FMN2: variants seen among roughly 807,000 people sequenced by gnomAD.
FMN2 encodes the protein formin-2.
A neutral mutation model predicts 142.3 loss-of-function variants in FMN2; 51 were observed. That is an observed-to-expected ratio of 0.36 (90% CI 0.29 to 0.45). FMN2 has a LOEUF of 0.45. FMN2 is among the 20% of genes least tolerant of loss of function. The pLI is 1.00. For synonymous variants in FMN2, 882 were observed against 869.8 expected (o/e 1.01, Z -0.25); for missense variants, 1,936 against 2,122.8 (o/e 0.91, Z 1.73).
chr1:240,458,073 G>C (rs1178229443), intron 16 of FMN2: 1 of 152,188 alleles, frequency 6.6e-6, no homozygotes, highest in Non-Finnish European at 1.5e-5. Context: ...TAGGTAACAC[G>C]CTCTTGAGGC....
intron 15 of FMN2, among the ~76,000 whole-genome samples, chr1:240,394,605 C>G (rs1673710074): frequency 2.0e-5 from 3 of 152,202 alleles, no homozygotes; most frequent in Admixed American, 1.3e-4. Flanking sequence ...GATGAAACAT[C>G]TTCTGTTGGA....
intron 15 of FMN2, among the ~76,000 whole-genome samples, chr1:240,417,872 T>C (rs1340311511): frequency 6.6e-6 from 1 of 152,212 alleles, no homozygotes; most frequent in Non-Finnish European, 1.5e-5. Context: ...TGTTTCATCT[T>C]TCAATTCCAT....
At chr1:240,315,184 T>C (rs4603121) in intron 8 of FMN2, among the ~76,000 whole-genome samples, 89,754 of 152,018 alleles carry the variant, frequency 0.59, 28,575 homozygotes, top group African/African-American at 0.84. Flanking sequence ...AGTTTATATA[T>C]AAGACTTTCA....
chr1:240,123,715 G>A (rs1326742965), intron 2 of FMN2, among the ~76,000 whole-genome samples: 2 of 152,100 alleles, frequency 1.3e-5, no homozygotes, highest in Non-Finnish European at 2.9e-5. Flanking sequence ...GTACCGTTTA[G>A]TGGCATCAAA....
intron 8 of FMN2, among the ~76,000 whole-genome samples, chr1:240,320,466 A>G (rs1223642029): frequency 6.6e-6 from 1 of 152,220 alleles, no homozygotes; most frequent in Non-Finnish European, 1.5e-5. Context: ...AATGAGGAAA[A>G]TTGTAGCTTC....
At position 240,207,832 on chromosome 1, in the gene FMN2, G is replaced by A; in HGVS notation, c.3020G>A (p.Gly1007Asp). The A allele has an allele frequency of 6.7e-6, 3 of 450,766 alleles. No homozygotes were observed. The highest frequency in any genetic ancestry group is 1.5e-4 in the African/African-American group (2 of 13,790). 27.9% of individuals were successfully genotyped at this position (450,766 alleles called of 1,614,324 possible). The change falls in exon 5 of 18, where the codon GGC becomes GAC. Residue 1007 changes from glycine to aspartate, a missense_variant. This residue lies in a region of FMN2 where 63 missense variants were observed against 86.3 expected (regional missense o/e 0.73). Coordinates refer to ENST00000319653, the MANE Select transcript of FMN2 (RefSeq NM_020066.5). ...CCTCCGCCCCCACTTCCCGGAGCGG[G>A]CATACCCCCTCCTCCCCCTCTTCCC... ...IPPPPPLPGA[G>D]IPPPPPLPGA... is the part of the protein sequence containing the mutation.
intron 16 of FMN2, among the ~76,000 whole-genome samples, chr1:240,444,100 A>G (rs1558110376): frequency 6.6e-6 from 1 of 152,210 alleles, no homozygotes; most frequent in Non-Finnish European, 1.5e-5. Context: ...TCTCTGTTGT[A>G]AGTTGCGCTC....
chr1:240,438,217 A>G lies in FMN2; in HGVS notation c.5060+7A>G, dbSNP rs1203290502. On this transcript the variant is annotated splice_region_variant and intron_variant, in intron 16 of 17. Transcript: ENST00000319653. ...AACTTCTTCTACAAGAGAGGTAGGT[A>G]TTTTCATTTGCACAATGGCATTTTA... 3.1e-6 allele frequency: 5 copies of G among 1,610,070 alleles called. No individual in the cohort carries two copies.
At chr1:240,394,092 C>A (rs768724488) in intron 15 of FMN2, among the ~76,000 whole-genome samples, 2 of 152,130 alleles carry the variant, frequency 1.3e-5, no homozygotes, top group Non-Finnish European at 2.9e-5. Flanking sequence ...AGGTACTCAG[C>A]AGCAAGCAGC....
intron 8 of FMN2, among the ~76,000 whole-genome samples, chr1:240,305,492 TAAGTTA>T (rs1670355232): frequency 1.3e-5 from 2 of 152,316 alleles, no homozygotes; most frequent in South Asian, 2.1e-4. Context: ...GTTAATCAAA[TAAGTTA>T]AAGTTAAAAA....
At chr1:240,401,794 G>A (rs1052464067) in intron 15 of FMN2, among the ~76,000 whole-genome samples, 3 of 152,192 alleles carry the variant, frequency 2.0e-5, no homozygotes, top group Non-Finnish European at 4.4e-5. Flanking sequence ...AGGTTATCAT[G>A]AAAGAAGGCA....
chr1:240,155,089 T>C (rs1663966148), intron 2 of FMN2, among the ~76,000 whole-genome samples: 1 of 151,770 alleles, frequency 6.6e-6, no homozygotes, highest in Admixed American at 6.6e-5. Flanking sequence ...CAGGGTTTCA[T>C]CATGTTGCCC....
intron 13 of FMN2, among the ~76,000 whole-genome samples, chr1:240,336,582 A>AAAAAAAAAAG (rs144682452): frequency 0.012 from 1,173 of 101,824 alleles, 235 homozygotes; most frequent in South Asian, 0.023. Flanking sequence ...AAAAAAAAAA[A>AAAAAAAAAAG]GGTGGTTGCA....
At chr1:240,239,602 A>G (rs2102864897) in intron 6 of FMN2, among the ~76,000 whole-genome samples, 1 of 152,370 alleles carries the variant, frequency 6.6e-6, no homozygotes, top group South Asian at 2.1e-4. Context: ...TCCATAGGAT[A>G]GGGTCAAATC....
At chr1:240,446,156 T>A (rs1675803498) in intron 16 of FMN2, among the ~76,000 whole-genome samples, 2 of 152,204 alleles carry the variant, frequency 1.3e-5, no homozygotes. Flanking sequence ...TAGTTCTTTT[T>A]AAAAAATGGA....
At chr1:240,124,245 G>A (rs887744727) in intron 2 of FMN2, among the ~76,000 whole-genome samples, 6 of 152,188 alleles carry the variant, frequency 3.9e-5, no homozygotes, top group Admixed American at 6.5e-5. Flanking sequence ...TTGGCTGGTC[G>A]TAGGCATTCC....
At chr1:240,186,677 A>T (rs564910398) in intron 3 of FMN2, among the ~76,000 whole-genome samples, 1 of 152,118 alleles carries the variant, frequency 6.6e-6, no homozygotes, top group African/African-American at 2.4e-5. Flanking sequence ...TGGCGGCCCT[A>T]TGGAAGAAGC....
intron 6 of FMN2, among the ~76,000 whole-genome samples, chr1:240,229,927 T>C (rs1388391035): frequency 7.6e-6 from 1 of 131,932 alleles, no homozygotes; most frequent in Non-Finnish European, 1.6e-5. Context: ...ATTACAGGTA[T>C]GAGCCACCGT....
intron 8 of FMN2, among the ~76,000 whole-genome samples, chr1:240,323,781 C>A (rs1428897783): frequency 1.3e-5 from 2 of 152,154 alleles, no homozygotes; most frequent in Admixed American, 6.5e-5. Flanking sequence ...GTTCTTCCTC[C>A]TCTTGCCTGT....
Sources: gnomAD v4.1 joint callset for allele counts (sites outside exome capture counted in the v4.1 genomes callset) on GRCh38, gnomAD v4.1.1 for gene constraint, gnomAD v4.1.1 regional missense constraint, MANE v1.5 for transcripts, NCBI Gene and HGNC (gene_info 2026-07-23, HGNC 2026-07-21) for gene names.